SCN11A: variants seen among roughly 807,000 people sequenced by gnomAD.
SCN11A encodes the protein sodium channel protein type 11 subunit alpha.
A neutral mutation model predicts 162.2 loss-of-function variants in SCN11A; 122 were observed. That is an observed-to-expected ratio of 0.75 (90% CI 0.65 to 0.87). The LOEUF (loss-of-function observed/expected upper bound fraction) is 0.87. Ranked by LOEUF, SCN11A falls within the 40% of genes least tolerant of loss-of-function variation. SCN11A has a pLI of 0.00. For missense variants in SCN11A, 2,015 were observed against 2,181.6 expected (o/e 0.92, Z 1.52); for synonymous variants, 758 against 751.5 (o/e 1.01, Z -0.14).
chr3:38,929,135 G>GCACACACACACA (rs748169973), intron 7 of SCN11A, among the ~76,000 whole-genome samples: 12 of 66,604 alleles, frequency 1.8e-4, no homozygotes, highest in East Asian at 4.6e-4. Flanking sequence ...GTCTGTGCAC[G>GCACACACACACA]CACACACACA....
At chr3:38,848,809 G>A (rs190057260) in intron 29 of SCN11A, among the ~76,000 whole-genome samples, 22 of 152,214 alleles carry the variant, frequency 1.4e-4, no homozygotes, top group African/African-American at 4.6e-4. Context: ...CGAGTAAGCC[G>A]TAATACCTCA....
intron 17 of SCN11A, among the ~76,000 whole-genome samples, chr3:38,897,509 G>C (rs1172610047): frequency 6.6e-6 from 1 of 151,948 alleles, no homozygotes; most frequent in African/African-American, 2.4e-5. Context: ...AAGGTCAGGA[G>C]ATTGAGACCA....
At chr3:38,967,951 A>T (rs890358993) in intron 2 of SCN11A, among the ~76,000 whole-genome samples, 7 of 152,182 alleles carry the variant, frequency 4.6e-5, no homozygotes, top group African/African-American at 1.7e-4. Context: ...CAATTCTAAT[A>T]TACAGTATTG....
chr3:38,859,055 C>T (rs571464266), intron 28 of SCN11A, among the ~76,000 whole-genome samples: 9 of 151,990 alleles, frequency 5.9e-5, no homozygotes, highest in Non-Finnish European at 1.0e-4. Context: ...GCATTAAATG[C>T]GTACATCATA....
chr3:38,917,563 A>G (rs2065978094), intron 11 of SCN11A, among the ~76,000 whole-genome samples: 1 of 152,210 alleles, frequency 6.6e-6, no homozygotes, highest in South Asian at 2.1e-4. Context: ...TAATGCAAGA[A>G]CAGAAAAACC....
Position 38,945,523 on chromosome 3 carries a change from T to C in SCN11A, c.387-11A>G. The C allele has an allele frequency of 1.3e-6, 2 of 1,536,582 alleles. No homozygotes were observed. The highest frequency in any genetic ancestry group is 1.8e-6 in the Non-Finnish European group (2 of 1,130,028). On this transcript the variant is annotated splice_polypyrimidine_tract_variant and intron_variant, in intron 6 of 29. Coordinates refer to ENST00000302328, the MANE Select transcript of SCN11A (RefSeq NM_001349253.2). ...AACATGCTGAACAATGTGGCCAGCA[T>C]CCATTAAGGCAGATATGTTGCAGGA...
intron 27 of SCN11A, 23 bp downstream of exon 27, chr3:38,867,298 A>T: frequency 6.2e-7 from 1 of 1,604,316 alleles, no homozygotes; most frequent in Admixed American, 1.7e-5. Flanking sequence ...AAATTACCAA[A>T]TCAAGACAAC....
intron 2 of SCN11A, among the ~76,000 whole-genome samples, chr3:38,996,516 A>C (rs1256869264): frequency 6.6e-6 from 1 of 152,200 alleles, no homozygotes; most frequent in East Asian, 1.9e-4. Flanking sequence ...AGCTGCCATA[A>C]GGCCCCAGTT....
In SCN11A at chr3:39,034,060, G is replaced by A. The variant is rs987936715; in HGVS notation, c.-403-1557C>T. The stretch of plus-strand genomic sequence containing the variant: ...ATCTGTAATCCCAGCTACTCAGGAG[G>A]CTGAAGCAGGAGAATTGCTTGCACC... On this transcript the variant is annotated intron_variant, in intron 1 of 29. Transcript: ENST00000302328. Among the ~76,000 whole-genome samples the A allele has an allele frequency of 2.0e-5, 3 of 152,226 alleles. No homozygotes were observed. In the East Asian group the frequency reaches 5.8e-4, roughly 29 times the overall value.
At chr3:39,007,055 A>G (rs1395079841) in intron 2 of SCN11A, among the ~76,000 whole-genome samples, 1 of 152,296 alleles carries the variant, frequency 6.6e-6, no homozygotes, top group African/African-American at 2.4e-5. Context: ...GAAAAATTCA[A>G]GAAATTTTCC....
In SCN11A at chr3:38,883,242, A is replaced by C. The variant is rs756227317; in HGVS notation, c.3210T>G (p.Ser1070Arg). Residue 1070 changes from serine to arginine, a missense_variant, in exon 22 of 30, where the codon AGT becomes AGG. Physicochemically the swap from Ser to Arg is moderately radical, Grantham distance 110. Transcript: ENST00000302328. The part of the protein sequence containing the change: ...SFIIFVILLS[S>R]GALIFEDVHL... Reference sequence around the variant, plus strand: ...GACAATGATGATTTACCAGTGCCCCACTGCTCAGCAGAATCACAAAGATAA... The same window carrying C: ...GACAATGATGATTTACCAGTGCCCCCCTGCTCAGCAGAATCACAAAGATAA... 2 of 1,613,072 alleles carry C rather than the reference A, an allele frequency of 1.2e-6. No individual in the cohort carries two copies. The highest frequency in any genetic ancestry group is 8.5e-7 in the Non-Finnish European group (1 of 1,179,432).
intron 2 of SCN11A, among the ~76,000 whole-genome samples, chr3:38,963,187 T>TA (rs1272354836): frequency 3.1e-4 from 46 of 149,780 alleles, no homozygotes; most frequent in Non-Finnish European, 4.4e-5. Context: ...GATCTAGCAA[T>TA]CTCACTATTG....
chr3:38,973,429 T>C (rs574753875), intron 2 of SCN11A, among the ~76,000 whole-genome samples: 16 of 146,690 alleles, frequency 1.1e-4, no homozygotes, highest in African/African-American at 2.4e-4. Flanking sequence ...CACACACACA[T>C]ATAATTATAT....
At chr3:38,980,267 T>C (rs568364018) in intron 2 of SCN11A, among the ~76,000 whole-genome samples, 19 of 151,734 alleles carry the variant, frequency 1.3e-4, no homozygotes, top group Admixed American at 7.9e-4. Flanking sequence ...ATTGAAAGAA[T>C]AGAATCATTT....
intron 7 of SCN11A, among the ~76,000 whole-genome samples, chr3:38,942,357 T>C (rs1001921818): frequency 6.6e-6 from 1 of 152,124 alleles, no homozygotes; most frequent in Non-Finnish European, 1.5e-5. Context: ...CCACCTTAAC[T>C]TAACTGACCT....
intron 28 of SCN11A, among the ~76,000 whole-genome samples, chr3:38,851,522 T>C (rs2064778976): frequency 1.3e-5 from 2 of 152,230 alleles, no homozygotes; most frequent in African/African-American, 4.8e-5. Flanking sequence ...GTGAAATTAC[T>C]CAATTATTCC....
intron 27 of SCN11A, among the ~76,000 whole-genome samples, chr3:38,864,195 A>G (rs1486962230): frequency 1.3e-5 from 2 of 152,158 alleles, no homozygotes; most frequent in Non-Finnish European, 2.9e-5. Flanking sequence ...AATTGTCTCA[A>G]TCCAGACTAT....
rs1331690445 is a variant in SCN11A, at chr3:39,005,865, TTTG to T, written c.-280+26512_-280+26514del. ...CTCCCACTACCTCTCGGATTTGTTT[TTTG>T]TTTTTTTTGTTTTGTTTTGTTTTTC... On this transcript the variant is annotated intron_variant, in intron 2 of 29. Coordinates refer to ENST00000302328, the MANE Select transcript of SCN11A (RefSeq NM_001349253.2). Among the ~76,000 whole-genome samples the T allele has an allele frequency of 5.9e-5, 9 of 152,174 alleles. No homozygotes were observed. The South Asian group carries it at 6.2e-4, about 11-fold the overall frequency.
In SCN11A at chr3:38,926,820, G is replaced by A. The variant is rs758479237; in HGVS notation, c.600C>T (p.Ser200=). The stretch of plus-strand genomic sequence containing the variant: ...ATTCTTACGCTATTCCAATGACAAT[G>A]GAGTCCAGCCAGTTCCATGGATCTC... The part of the protein sequence containing the change: ...FLRDPWNWLD[S]IVIGIAIVSY... The change falls in exon 8 of 30, where the codon TCC becomes TCT. Residue 200 remains serine, a synonymous_variant. Transcript: ENST00000302328. 4.3e-6 allele frequency: 7 copies of A among 1,613,708 alleles called. No homozygotes were observed. The highest frequency in any genetic ancestry group is 5.1e-6 in the Non-Finnish European group (6 of 1,179,798).
Sources: gnomAD v4.1 joint callset for allele counts (sites outside exome capture counted in the v4.1 genomes callset) on GRCh38, gnomAD v4.1.1 for gene constraint, MANE v1.5 for transcripts, NCBI Gene and HGNC (gene_info 2026-07-23, HGNC 2026-07-21) for gene names.